Variants in SPTA1 observed in about 807,000 individuals in gnomAD.
SPTA1 encodes the protein spectrin alpha chain, erythrocytic 1.
Under a neutral mutation model 324.7 loss-of-function variants are expected in SPTA1, and 177 were observed. The ratio of observed to expected loss-of-function variants is 0.55; its 90% CI spans 0.48 to 0.62. The LOEUF (loss-of-function observed/expected upper bound fraction) is 0.62, where lower values mean the gene tolerates loss of function less well. Among genes scored for constraint, SPTA1 ranks in the 20% least tolerant of loss-of-function variants. SPTA1 has a pLI of 0.00. For missense variants in SPTA1, 3,162 were observed against 2,883.6 expected (o/e 1.10, Z -2.21); for synonymous variants, 1,195 against 1,041.3 (o/e 1.15, Z -2.84).
intron 12 of SPTA1, among the ~76,000 whole-genome samples, chr1:158,670,997 A>C (rs1217847034): frequency 1.3e-5 from 2 of 152,142 alleles, no homozygotes; most frequent in African/African-American, 4.8e-5. Context: ...GAAAAAAAAA[A>C]CATGGCTACC....
At chr1:158,614,708 A>T (rs1649452873) in intron 48 of SPTA1, 1 of 195,030 alleles carries the variant, frequency 5.1e-6, no homozygotes, top group Non-Finnish European at 1.1e-5. Context: ...ACAAAGTTAA[A>T]TTATTTATTA....
intron 16 of SPTA1, among the ~76,000 whole-genome samples, chr1:158,663,854 T>C (rs1309255125): frequency 6.6e-6 from 1 of 152,108 alleles, no homozygotes; most frequent in Non-Finnish European, 1.5e-5. Context: ...TCCCAGAACT[T>C]AAAGTATAAT....
chr1:158,619,792 C>T (rs1649794052), intron 44 of SPTA1, among the ~76,000 whole-genome samples: 4 of 151,986 alleles, frequency 2.6e-5, no homozygotes, highest in Admixed American at 2.6e-4. Flanking sequence ...GCTAAAAATA[C>T]ATACGTAGCA....
chr1:158,640,001 G>C lies in SPTA1; in HGVS notation c.4744C>G (p.Leu1582Val), dbSNP rs1343219624. 6.2e-7 allele frequency: 1 copy of C among 1,613,748 alleles called. No homozygotes were observed. The highest frequency in any genetic ancestry group is 8.5e-7 in the Non-Finnish European group (1 of 1,179,838). Residue 1582 changes from leucine (L) to valine (V), a missense_variant, in exon 34 of 52, where the codon CTG (leucine) becomes GTG (valine). Coordinates refer to ENST00000643759, the MANE Select transcript of SPTA1 (RefSeq NM_003126.4). ...DGNEEAMKEQ[L>V]EQLKEHWDHL... ...TCCCAATGTTCCTTCAGCTGTTCCA[G>C]TTGCTCCTAACCCAAGGAGAGTGAG... is the stretch of plus-strand genomic sequence containing the variant.
rs1256180539 is a variant in SPTA1, at chr1:158,636,595, C to T, written c.5310+46G>A. The T allele has an allele frequency of 1.2e-5, 19 of 1,606,048 alleles. No homozygotes were observed. In the Admixed American group the frequency reaches 1.5e-4, roughly 13 times the overall value. On this transcript the variant is annotated intron_variant, in intron 37 of 51. Transcript: ENST00000643759. ...TATTTATCTGTAACACAAGGGGTTG[C>T]TATAGGATGATTTCTATATTTTCAG...
In SPTA1 at chr1:158,645,054, G is replaced by C. The variant is rs911784452; in HGVS notation, c.4194+134C>G. ...GTATAGAAAGCATAGTACAATGCTAGGTAATTAAGAGATGAGCTCCCTTTG... is the reference window on the plus strand; with the variant it reads ...GTATAGAAAGCATAGTACAATGCTACGTAATTAAGAGATGAGCTCCCTTTG... On this transcript the variant is annotated intron_variant, in intron 29 of 51. Coordinates refer to ENST00000643759, the MANE Select transcript of SPTA1 (RefSeq NM_003126.4). 6 of 915,456 alleles carry C rather than the reference G, an allele frequency of 6.6e-6. No homozygotes were observed. In the African/African-American group the frequency reaches 8.1e-5, roughly 12 times the overall value. The allele number at this position is 915,456 out of a possible 1,614,324, so 56.7% of individuals were successfully genotyped here. A position where few individuals can be genotyped will look rare whatever the true frequency, so the allele number is the denominator to read the frequency against.
In SPTA1 at chr1:158,618,155, A is replaced by G; in HGVS notation, c.6531-99T>C. ...AGATCTCATTTCCTCAGATTTATGA[A>G]ACATTTTAAATCTTTTGTTGCCACA... is the stretch of plus-strand genomic sequence containing the variant. On this transcript the variant is annotated intron_variant, in intron 45 of 51. Coordinates refer to ENST00000643759, the MANE Select transcript of SPTA1 (RefSeq NM_003126.4). The G allele has an allele frequency of 2.3e-6, 3 of 1,286,008 alleles. No individual in the cohort carries two copies. In the South Asian group the frequency reaches 3.6e-5, roughly 15 times the overall value. The allele number at this position is 1,286,008 out of a possible 1,614,324, so 79.7% of individuals were successfully genotyped here.
Position 158,617,580 on chromosome 1 carries a change from A to G in SPTA1, c.6557T>C (p.Leu2186Pro), listed in dbSNP as rs1252768130. Residue 2186 changes from leucine to proline, a missense_variant, in exon 47 of 52, where the codon CTC becomes CCC. Transcript: ENST00000643759. ...AGATTCCAGAGTTCCTGTTTCTTTG[A>G]GCAATGATCTAGTTAAGAACCGAAG... is the stretch of plus-strand genomic sequence containing the variant. ...TRAYFLDGSLLKETGTLESQL... is the reference protein window; with the variant it reads ...TRAYFLDGSLPKETGTLESQL... 27 of 1,612,990 alleles carry G rather than the reference A, an allele frequency of 1.7e-5. No homozygotes were observed. Among genetic ancestry groups the G allele is most frequent in the Non-Finnish European group, 2.0e-5 (24 of 1,179,136 alleles).
intron 39 of SPTA1, among the ~76,000 whole-genome samples, chr1:158,627,997 T>C (rs979310276): frequency 6.6e-6 from 1 of 152,222 alleles, no homozygotes; most frequent in Non-Finnish European, 1.5e-5. Context: ...GATTTTGGAA[T>C]GAGGGTTTTG....
At chr1:158,646,571 T>C (rs995297271) in intron 27 of SPTA1, among the ~76,000 whole-genome samples, 1 of 151,674 alleles carries the variant, frequency 6.6e-6, no homozygotes, top group Non-Finnish European at 1.5e-5. Context: ...TCATATGGAG[T>C]AAAATAAGAT....
In SPTA1 at chr1:158,686,575, G is replaced by GAGAT. The variant is rs866469739; in HGVS notation, c.-59_-58insATCT. On this transcript the variant is annotated 5_prime_UTR_variant, in exon 1 of 52. An upstream open reading frame in the 5' UTR gains an earlier in-frame stop. Transcript: ENST00000643759. The stretch of plus-strand genomic sequence containing the variant: ...AATGTGTCAGAGAGAGAGAGAGAGA[G>GAGAT]AAATAATTCAAATGGAACTGTCCAG... The GAGAT allele has an allele frequency of 7.2e-7, 1 of 1,385,240 alleles. No individual in the cohort carries two copies. The highest frequency in any genetic ancestry group is 1.0e-6 in the Non-Finnish European group (1 of 974,290). The allele number at this position is 1,385,240 out of a possible 1,614,324, so 85.8% of individuals were successfully genotyped here.
intron 18 of SPTA1, among the ~76,000 whole-genome samples, chr1:158,658,433 G>A (rs994607987): frequency 1.3e-5 from 2 of 152,178 alleles, no homozygotes; most frequent in Non-Finnish European, 2.9e-5. Flanking sequence ...GGTGAGAAAA[G>A]AGTGACTTAA....
chr1:158,686,192 T>C (rs1163640243), intron 1 of SPTA1, among the ~76,000 whole-genome samples: 1 of 152,232 alleles, frequency 6.6e-6, no homozygotes, highest in African/African-American at 2.4e-5. Context: ...TTGCCATTAC[T>C]GGCATGGCTA....
chr1:158,626,353 A>G, intron 41 of SPTA1, 131 bp from the exon 42 acceptor site: 1 of 873,038 alleles, frequency 1.1e-6, no homozygotes, highest in Non-Finnish European at 1.9e-6. Context: ...TAATTGGAAT[A>G]TGTGAGCAGT....
chr1:158,626,943 G>A lies in SPTA1; in HGVS notation c.5729C>T (p.Thr1910Ile). 6.2e-7 allele frequency: 1 copy of A among 1,613,818 alleles called. No individual in the cohort carries two copies. The highest frequency in any genetic ancestry group is 2.2e-5 in the East Asian group (1 of 44,884). ...AGCTATTGCCTTAGCCAGAGAAGGG[G>A]TCTTTTCATTCAGAGCCTCTATCTT... ...SSKIEALNEK[T>I]PSLAKAIAAW... Residue 1910 changes from threonine to isoleucine, a missense_variant, in exon 41 of 52, where the codon ACC (threonine) becomes ATC (isoleucine). Transcript: ENST00000643759.
At chr1:158,611,653 A>T in intron 51 of SPTA1, 3 of 364,532 alleles carry the variant, frequency 8.2e-6, no homozygotes, top group Non-Finnish European at 1.5e-5. Context: ...TGTTTTATTA[A>T]ATAGAAGGAA....
In SPTA1 at chr1:158,671,313, C is replaced by G. The variant is rs746989680; in HGVS notation, c.1599+30G>C. The G allele has an allele frequency of 1.8e-5, 27 of 1,541,826 alleles. No homozygotes were observed. The Admixed American group carries it at 3.2e-4, about 18-fold the overall frequency. ...TAAAATTATGTATACAGAGAGGGAG[C>G]CAATGCCCAAACTAGGGCCAATTTC... On this transcript the variant is annotated intron_variant, in intron 12 of 51. Transcript: ENST00000643759.
In SPTA1 at chr1:158,652,648, C is replaced by A. The variant is rs1478035735; in HGVS notation, c.3194G>T (p.Arg1065Leu). ...TTCTTCTGCCCGATCCAAGAGGGAG[C>A]GGTATCTGGATGGAGAATTGGGAAA... Reference protein sequence around the residue: ...QRQEQIENQYRSLLDRAEERR... With the variant: ...QRQEQIENQYLSLLDRAEERR... The change falls in exon 23 of 52, where the codon CGC becomes CTC. Residue 1065 changes from arginine to leucine, a missense_variant. Physicochemically the swap from Arg to Leu is moderately radical, Grantham distance 102. Coordinates refer to ENST00000643759, the MANE Select transcript of SPTA1 (RefSeq NM_003126.4). 6.2e-7 allele frequency: 1 copy of A among 1,613,590 alleles called. No individual in the cohort carries two copies. Among genetic ancestry groups the A allele is most frequent in the South Asian group, 1.1e-5 (1 of 91,056 alleles).
chr1:158,613,712 T>C lies in SPTA1; in HGVS notation c.6989+9A>G. 1 of 1,613,734 alleles carries C rather than the reference T, an allele frequency of 6.2e-7. No homozygotes were observed. Among genetic ancestry groups the C allele is most frequent in the Non-Finnish European group, 8.5e-7 (1 of 1,179,746 alleles). On this transcript the variant is annotated intron_variant, in intron 50 of 51. Transcript: ENST00000643759. ...CCTGCTGCGGTCTGACCCTTAGTCT[T>C]GTTCCTACCTCCCTGGATCCACAGC...
Sources: gnomAD v4.1 joint callset for allele counts (sites outside exome capture counted in the v4.1 genomes callset) on GRCh38, gnomAD v4.1.1 for gene constraint, MANE v1.5 for transcripts, NCBI Gene and HGNC (gene_info 2026-07-23, HGNC 2026-07-21) for gene names.